BLOC1S6: variants seen among roughly 807,000 people sequenced by gnomAD.
BLOC1S6 encodes the protein biogenesis of lysosomal organelles complex 1 subunit 6.
Under a neutral mutation model 24.7 loss-of-function variants are expected in BLOC1S6, and 24 were observed. The observed-to-expected ratio is 0.97, with a 90% CI of 0.70 to 1.37. The LOEUF (loss-of-function observed/expected upper bound fraction) is 1.37. BLOC1S6 is among the 40% of genes most tolerant of loss of function. BLOC1S6 has a pLI of 0.00. For missense variants in BLOC1S6, 175 were observed against 196.2 expected, an observed-to-expected ratio of 0.89 and a Z score of 0.64; for synonymous variants, 76 against 72.6, an observed-to-expected ratio of 1.05 and a Z score of -0.23.
At chr15:45,593,364 GAC>G (rs1161480134) in intron 2 of BLOC1S6, among the ~76,000 whole-genome samples, 1 of 135,114 alleles carries the variant, frequency 7.4e-6, no homozygotes, top group Non-Finnish European at 1.5e-5. Flanking sequence ...CAGCCCAGGT[GAC>G]AGAGTGAGAC....
chr15:45,605,536 A>C (rs1422329955), intron 4 of BLOC1S6, 22 bp downstream of exon 4: 2 of 1,519,204 alleles, frequency 1.3e-6, no homozygotes, highest in Non-Finnish European at 9.1e-7. Flanking sequence ...ATTCTTTCAC[A>C]TTCTTTACAA....
chr15:45,587,572 G>C, intron 1 of BLOC1S6, 47 bp downstream of exon 1: 1 of 1,511,512 alleles, frequency 6.6e-7, no homozygotes, highest in South Asian at 1.2e-5. Flanking sequence ...GGTGTGAGGG[G>C]CGGGGACCTG....
At position 45,594,937 on chromosome 15, in the gene BLOC1S6, A is replaced by C. The variant is rs1361740856; in HGVS notation, c.224+2661A>C. Among the ~76,000 whole-genome samples, 5 of 152,158 alleles carry C rather than the reference A, an allele frequency of 3.3e-5. No individual in the cohort carries two copies. The East Asian group carries it at 9.7e-4, about 29-fold the overall frequency. ...GGCCAGACTTATGGGTCAGGAAAGC[A>C]CTGTACTTAAAATTATAGTTGTATT... is the stretch of plus-strand genomic sequence containing the variant. On this transcript the variant is annotated intron_variant, in intron 2 of 4. Coordinates refer to ENST00000220531, the MANE Select transcript of BLOC1S6 (RefSeq NM_012388.4).
chr15:45,594,923 T>C (rs1052511472), intron 2 of BLOC1S6, among the ~76,000 whole-genome samples: 19 of 152,042 alleles, frequency 1.2e-4, no homozygotes, highest in Non-Finnish European at 2.1e-4. Context: ...GCCAGACTTA[T>C]GGGTCAGGAA....
chr15:45,609,289 TCCAG>T lies in BLOC1S6; in HGVS notation c.*2778_*2781del, dbSNP rs1164422213. On this transcript the variant is annotated 3_prime_UTR_variant, in exon 5 of 5. Transcript: ENST00000220531. ...GTGAATTCTGATCGCACCACTGAAC[TCCAG>T]CCCGTATGACAGAGTGAGACCCTGT... 6.6e-6 allele frequency: 1 copy of T among 152,046 alleles called. No homozygotes were observed. The highest frequency in any genetic ancestry group is 1.5e-5 in the Non-Finnish European group (1 of 68,032). 9.4% of individuals were successfully genotyped at this position (152,046 alleles called of 1,614,324 possible).
At chr15:45,587,245 T>C (rs1893704331), upstream of BLOC1S6, 10 of 630,992 alleles carry the variant, frequency 1.6e-5, no homozygotes, top group East Asian at 2.2e-4. Flanking sequence ...CAGACGACGA[T>C]ATCAGCGCGG....
At chr15:45,601,168 A>G (rs1369092448) in intron 2 of BLOC1S6, 1 of 154,396 alleles carries the variant, frequency 6.5e-6, no homozygotes, top group Admixed American at 6.5e-5. Flanking sequence ...ATAAAAGTTA[A>G]GTGAATGTGG....
At position 45,605,947 on chromosome 15, in the gene BLOC1S6, A is replaced by G. The variant is rs74316692; in HGVS notation, c.399+433A>G. Among the ~76,000 whole-genome samples, 619 of 152,262 alleles carry G rather than the reference A, an allele frequency of 4.1e-3. 4 individuals are homozygous for G. Among genetic ancestry groups the G allele is most frequent in the African/African-American group, 0.014 (602 of 41,558 alleles). On this transcript the variant is annotated intron_variant, in intron 4 of 4. Coordinates refer to ENST00000220531, the MANE Select transcript of BLOC1S6 (RefSeq NM_012388.4). ...TACAATAGCATAATTCATTCATGGT[A>G]CATTGTTTTCTTTTTAAAAATGTCA...
At chr15:45,595,996 C>T (rs1383787319) in intron 2 of BLOC1S6, among the ~76,000 whole-genome samples, 7 of 151,940 alleles carry the variant, frequency 4.6e-5, no homozygotes, top group South Asian at 2.1e-4. Flanking sequence ...TTAGTAGAGC[C>T]GGGGTTTCTC....
chr15:45,608,896 C>T lies in BLOC1S6; in HGVS notation c.*2382C>T, dbSNP rs1227035784. On this transcript the variant is annotated 3_prime_UTR_variant, in exon 5 of 5. Transcript: ENST00000220531. ...AGCTGCTGCTTTTGATATAGTCAGA[C>T]TTAAGACTGAACCCCAGTAGACAGG... is the stretch of plus-strand genomic sequence containing the variant. 1 of 152,102 alleles carries T rather than the reference C, an allele frequency of 6.6e-6. No individual in the cohort carries two copies. The highest frequency in any genetic ancestry group is 1.5e-5 in the Non-Finnish European group (1 of 68,036). 9.4% of individuals were successfully genotyped at this position (152,102 alleles called of 1,614,324 possible).
At chr15:45,602,173 G>A (rs111301710) in intron 2 of BLOC1S6, among the ~76,000 whole-genome samples, 1 of 152,140 alleles carries the variant, frequency 6.6e-6, no homozygotes, top group Admixed American at 6.5e-5. Context: ...TGGGATTATA[G>A]GCATGAACCA....
intron 2 of BLOC1S6, chr15:45,597,790 A>T: frequency 4.8e-6 from 1 of 210,228 alleles, no homozygotes; most frequent in South Asian, 5.0e-5. Context: ...GAATTTCCAC[A>T]TAGGAAATCA....
intron 2 of BLOC1S6, among the ~76,000 whole-genome samples, chr15:45,593,886 CAGAG>C (rs1428177510): frequency 6.6e-6 from 1 of 152,054 alleles, no homozygotes; most frequent in South Asian, 2.1e-4. Flanking sequence ...AACTGAGGCT[CAGAG>C]AGGTTAAGTA....
chr15:45,600,188 G>T (rs1451581060), intron 2 of BLOC1S6, among the ~76,000 whole-genome samples: 13 of 113,478 alleles, frequency 1.1e-4, no homozygotes, highest in Admixed American at 2.0e-4. Context: ...TGGTGGGGTG[G>T]GGGGAGGGGG....
intron 4 of BLOC1S6, among the ~76,000 whole-genome samples, chr15:45,606,046 C>A (rs1894444544): frequency 6.6e-6 from 1 of 152,152 alleles, no homozygotes; most frequent in African/African-American, 2.4e-5. Context: ...GCTCAAGCAG[C>A]CCTCTGGCCT....
rs561332375 is a variant in BLOC1S6 at position 45,597,076 on chromosome 15, A to G, written c.224+4800A>G. 2.0e-5 allele frequency among the ~76,000 whole-genome samples: 3 copies of G among 152,262 alleles called. No homozygotes were observed. The South Asian group carries it at 6.2e-4, about 32-fold the overall frequency. On this transcript the variant is annotated intron_variant, in intron 2 of 4. Coordinates refer to ENST00000220531, the MANE Select transcript of BLOC1S6 (RefSeq NM_012388.4). ...GGCTCTTCTATGTCTTTGCCTTTCC[A>G]TATGAACTTTAAAACAGTTTGTTGA...
rs1893787666 is a variant in BLOC1S6, at chr15:45,588,986, A to C, written c.82+1461A>C. Among the ~76,000 whole-genome samples, 4 of 152,248 alleles carry C rather than the reference A, an allele frequency of 2.6e-5. 1 individual carries two copies. The South Asian group carries it at 8.3e-4, about 31-fold the overall frequency. Reference sequence around the variant, plus strand: ...CAGTTTGGCAATGTCTGTTTAAAAAATGCATAAACTCTTTGTCCCAACAGT... The same window carrying C: ...CAGTTTGGCAATGTCTGTTTAAAAACTGCATAAACTCTTTGTCCCAACAGT... On this transcript the variant is annotated intron_variant, in intron 1 of 4. Coordinates refer to ENST00000220531, the MANE Select transcript of BLOC1S6 (RefSeq NM_012388.4).
intron 1 of BLOC1S6, among the ~76,000 whole-genome samples, chr15:45,588,567 T>TCA (rs143375958): frequency 0.015 from 2,257 of 152,326 alleles, 39 homozygotes; most frequent in African/African-American, 0.052. Flanking sequence ...TTAAAACAGC[T>TCA]GTTGAAAGGC....
At chr15:45,587,291 G>A (rs115857479), upstream of BLOC1S6, 2,932 of 744,118 alleles carry the variant, frequency 3.9e-3, 57 homozygotes, top group African/African-American at 0.045. Flanking sequence ...GCCAACTCTC[G>A]AGCGCGTGAT....
Sources: allele counts gnomAD v4.1 joint callset (sites outside exome capture counted in the v4.1 genomes callset), GRCh38; gene constraint gnomAD v4.1.1; transcripts MANE v1.5; gene names NCBI Gene and HGNC (gene_info 2026-07-23, HGNC 2026-07-21).